CFAP52: variants seen among roughly 807,000 people sequenced by gnomAD.
CFAP52 encodes cilia and flagella associated protein 52, also known as cilia- and flagella-associated protein 52.
In CFAP52, 57 loss-of-function variants were observed where a neutral mutation model predicts 70.5. The observed-to-expected ratio is 0.81, with a 90% confidence interval of 0.65 to 1.01. The LOEUF is 1.01. CFAP52 is among the 50% of genes least tolerant of loss of function. CFAP52 has a pLI of 0.00. For synonymous variants in CFAP52, 267 were observed against 292.5 expected (o/e 0.91, Z 0.89); for missense variants, 785 against 788.5 (o/e 1.00, Z 0.05).
At chr17:9,589,392 A>G (rs1908640361) in intron 3 of CFAP52, among the ~76,000 whole-genome samples, 1 of 152,170 alleles carries the variant, frequency 6.6e-6, no homozygotes, top group Non-Finnish European at 1.5e-5. Flanking sequence ...TGTCATTCAC[A>G]AGTGGTCACC....
intron 7 of CFAP52, among the ~76,000 whole-genome samples, chr17:9,612,102 T>G (rs1315093525): frequency 2.0e-5 from 3 of 152,234 alleles, no homozygotes; most frequent in Non-Finnish European, 4.4e-5. Context: ...GAAGCTTTCC[T>G]GACTACTTTA....
At chr17:9,586,920 A>C (rs1163219518) in intron 3 of CFAP52, 86 bp downstream of exon 3, 1 of 1,413,370 alleles carries the variant, frequency 7.1e-7, no homozygotes, top group Non-Finnish European at 9.4e-7. Context: ...GGTTTGTTAT[A>C]TAGGTAAACT....
At chr17:9,606,896 C>T (rs1226381572) in intron 6 of CFAP52, among the ~76,000 whole-genome samples, 1 of 152,162 alleles carries the variant, frequency 6.6e-6, no homozygotes, top group African/African-American at 2.4e-5. Context: ...ATTCTTGAGC[C>T]TTGGTTTCTC....
intron 8 of CFAP52, among the ~76,000 whole-genome samples, chr17:9,616,966 T>C (rs1909951960): frequency 1.3e-5 from 1 of 76,918 alleles, no homozygotes; most frequent in Admixed American, 1.3e-4. Flanking sequence ...AGGAACGCAG[T>C]TCCTCACCAG....
At chr17:9,601,526 G>C (rs1428459478) in intron 6 of CFAP52, among the ~76,000 whole-genome samples, 1 of 152,152 alleles carries the variant, frequency 6.6e-6, no homozygotes, top group African/African-American at 2.4e-5. Context: ...ATACATAAGA[G>C]AAGTGTGCTC....
intron 3 of CFAP52, among the ~76,000 whole-genome samples, chr17:9,592,792 A>T (rs551912189): frequency 2.6e-5 from 4 of 152,304 alleles, no homozygotes; most frequent in African/African-American, 9.6e-5. Flanking sequence ...TTCCACTTCT[A>T]AATTATTATT....
chr17:9,597,440 C>T (rs1221140643), intron 4 of CFAP52: 1 of 152,048 alleles, frequency 6.6e-6, no homozygotes, highest in African/African-American at 2.4e-5. Context: ...TTTTGCTATT[C>T]TACAATGTGT....
intron 1 of CFAP52, among the ~76,000 whole-genome samples, chr17:9,581,420 T>G (rs1011659573): frequency 2.0e-5 from 3 of 152,104 alleles, no homozygotes; most frequent in African/African-American, 4.8e-5. Flanking sequence ...TATAAACTAA[T>G]GAGGAAAGAT....
chr17:9,604,003 C>T (rs1213786492), intron 6 of CFAP52, among the ~76,000 whole-genome samples: 1 of 151,998 alleles, frequency 6.6e-6, no homozygotes, highest in Non-Finnish European at 1.5e-5. Context: ...CATGAATTCA[C>T]ATAGTCAACT....
At chr17:9,645,289 A>T, downstream of CFAP52, 1 of 179,498 alleles carries the variant, frequency 5.6e-6, no homozygotes. This position sits in a 1 kb window ranked among gnomAD's most constrained non-coding sequence, Gnocchi z 6.8. Context: ...CACTGCTTGA[A>T]GGCTGCTCGA....
chr17:9,593,662 GC>G (rs1908865082), intron 3 of CFAP52, among the ~76,000 whole-genome samples: 2 of 151,942 alleles, frequency 1.3e-5, no homozygotes, highest in African/African-American at 4.8e-5. Flanking sequence ...CACCATGTTG[GC>G]CAGGTTGGTC....
At position 9,606,507 on chromosome 17, in the gene CFAP52, C is replaced by T. The variant is rs551439945; in HGVS notation, c.754-1612C>T. ...GATCTCATTCGATCTTCATAAACGC[C>T]TAATGAGATAGGTACCATTTTCATC... On this transcript the variant is annotated intron_variant, in intron 6 of 13. Transcript: ENST00000352665. 2.6e-5 allele frequency among the ~76,000 whole-genome samples: 4 copies of T among 152,198 alleles called. No homozygotes were observed. The South Asian group carries it at 8.3e-4, about 32-fold the overall frequency.
At chr17:9,632,849 T>G in intron 9 of CFAP52, 39 bp from the exon 10 acceptor site, 1 of 1,608,276 alleles carries the variant, frequency 6.2e-7, no homozygotes, top group Non-Finnish European at 8.5e-7. Context: ...AGGGTGCATA[T>G]ACTGATCCTG....
At chr17:9,585,148 T>C (rs1015311258) in intron 1 of CFAP52, among the ~76,000 whole-genome samples, 1 of 152,162 alleles carries the variant, frequency 6.6e-6, no homozygotes, top group Non-Finnish European at 1.5e-5. Flanking sequence ...ATTACGAGAA[T>C]TGGCCGTAGG....
intron 4 of CFAP52, among the ~76,000 whole-genome samples, chr17:9,594,721 A>T (rs1332546768): frequency 1.3e-5 from 2 of 152,154 alleles, no homozygotes; most frequent in Non-Finnish European, 2.9e-5. Flanking sequence ...GGAAGTTTCA[A>T]ATGGTTAGAC....
chr17:9,608,963 A>G (rs1447425281), intron 7 of CFAP52, among the ~76,000 whole-genome samples: 1 of 152,208 alleles, frequency 6.6e-6, no homozygotes, highest in East Asian at 1.9e-4. Flanking sequence ...AAAATATATT[A>G]TGAATGTTGT....
chr17:9,636,358 A>T (rs985007387), intron 11 of CFAP52, among the ~76,000 whole-genome samples: 1 of 152,126 alleles, frequency 6.6e-6, no homozygotes, highest in Non-Finnish European at 1.5e-5. Context: ...TGGGACATAC[A>T]TTTGCCTTTC....
At chr17:9,582,475 T>C (rs1908268260) in intron 1 of CFAP52, among the ~76,000 whole-genome samples, 1 of 152,250 alleles carries the variant, frequency 6.6e-6, no homozygotes, top group South Asian at 2.1e-4. Flanking sequence ...GCTATCCATA[T>C]CCTTTGCTCA....
At chr17:9,579,470 T>G (rs989647592) in intron 1 of CFAP52, among the ~76,000 whole-genome samples, 1 of 152,174 alleles carries the variant, frequency 6.6e-6, no homozygotes, top group Non-Finnish European at 1.5e-5. Context: ...AAATGCCAAG[T>G]GATTGAGTTT....
Sources: allele counts gnomAD v4.1 joint callset (sites outside exome capture counted in the v4.1 genomes callset), GRCh38; gene constraint gnomAD v4.1.1; non-coding constraint Gnocchi (gnomAD v3.1); transcripts MANE v1.5; gene names NCBI Gene and HGNC (gene_info 2026-07-23, HGNC 2026-07-21).